PIGQ: variants seen among roughly 807,000 people sequenced by gnomAD.
PIGQ encodes phosphatidylinositol glycan anchor biosynthesis class Q.
PIGQ carries 54 observed loss-of-function variants against 60.3 expected under a neutral mutation model. The ratio of observed to expected loss-of-function variants is 0.90; its 90% CI spans 0.72 to 1.12. The LOEUF is 1.12. Ranked by LOEUF, PIGQ falls within the 50% of genes most tolerant of loss-of-function variation. The pLI is 0.00. For missense variants in PIGQ, 799 were observed against 793.5 expected (o/e 1.01, Z -0.08); for synonymous variants, 416 against 363.7 (o/e 1.14, Z -1.64).
At chr16:574,826 T>A in intron 2 of PIGQ, 63 bp downstream of exon 2, 1 of 1,260,158 alleles carries the variant, frequency 7.9e-7, no homozygotes, top group Non-Finnish European at 1.1e-6. Flanking sequence ...GCCCATCCCT[T>A]TGTCTGCAGT....
At position 583,172 on chromosome 16, in the gene PIGQ, CT is replaced by C. The variant is rs1567178489; in HGVS notation, c.*138del. 1 of 1,613,162 alleles carries C rather than the reference CT, an allele frequency of 6.2e-7. No individual in the cohort carries two copies. Among genetic ancestry groups the C allele is most frequent in the African/African-American group, 1.3e-5 (1 of 74,924 alleles). ...GTGCTCCTGAACACGGCAGGCCCTG[CT>C]ATCACACCTTGGGCTTGGAGGTCAT... On this transcript the variant is annotated 3_prime_UTR_variant, in exon 11 of 11. Coordinates refer to ENST00000321878, the MANE Select transcript of PIGQ (RefSeq NM_004204.5).
intron 8 of PIGQ, 176 bp downstream of exon 8, chr16:580,439 C>G (rs2035793146): frequency 7.0e-6 from 4 of 572,222 alleles, no homozygotes. Flanking sequence ...GAGGCCCTAT[C>G]CTGGCCAGTA....
At chr16:579,255 G>C in intron 7 of PIGQ, 75 bp downstream of exon 7, 3 of 1,211,034 alleles carry the variant, frequency 2.5e-6, no homozygotes, top group Non-Finnish European at 3.6e-6. Flanking sequence ...CGGTGCTTGG[G>C]CACCACAAGG....
chr16:578,254 G>C, intron 4 of PIGQ, 125 bp from the exon 5 acceptor site: 1 of 975,342 alleles, frequency 1.0e-6, no homozygotes, highest in Non-Finnish European at 1.5e-6. Flanking sequence ...GTCCACGCTA[G>C]GACGCGGTAG....
chr16:582,442 A>AG, intron 10 of PIGQ, 133 bp downstream of exon 10: 1 of 677,716 alleles, frequency 1.5e-6, no homozygotes, highest in East Asian at 2.8e-5. Context: ...AGTGGAGCTG[A>AG]GGGGGAAGGC....
At position 571,038 on chromosome 16, in the gene PIGQ, C is replaced by CGTGTGTGT. The variant is rs1176149269; in HGVS notation, c.-10+1005_-10+1012dup. Among the ~76,000 whole-genome samples, 102 of 85,214 alleles carry CGTGTGTGT rather than the reference C, an allele frequency of 1.2e-3. 30 individuals are homozygous for CGTGTGTGT. Among genetic ancestry groups the CGTGTGTGT allele is most frequent in the Admixed American group, 1.8e-3 (14 of 7,980 alleles). 55.9% of individuals were successfully genotyped at this position (85,214 alleles called of 152,430 possible). On this transcript the variant is annotated intron_variant, in intron 1 of 10. Coordinates refer to ENST00000321878, the MANE Select transcript of PIGQ (RefSeq NM_004204.5). ...AAGCTCTTCTGGCTAGCCTGGCGCC[C>CGTGTGTGT]GTGTGTGTGTGTGTGTGTGTGTGTG...
In PIGQ at chr16:574,230, G is replaced by A. The variant is rs1242906892; in HGVS notation, c.156G>A (p.Val52=). ...PIQVKQLLAQ[V]RQASQVGVAV... ...AGGTCAAGCAGCTCCTGGCCCAGGT[G>A]CGGCAGGCCAGCCAGGTGGGCGTGG... The change falls in exon 2 of 11, where the codon GTG becomes GTA. Residue 52 remains valine (V), a synonymous_variant. Transcript: ENST00000321878. 1.2e-6 allele frequency: 2 copies of A among 1,611,144 alleles called. No homozygotes were observed. The highest frequency in any genetic ancestry group is 1.7e-5 in the Admixed American group (1 of 59,990).
chr16:583,501 C>CCTCA lies in PIGQ; in HGVS notation c.*467_*470dup. On this transcript the variant is annotated 3_prime_UTR_variant, in exon 11 of 11. Coordinates refer to ENST00000321878, the MANE Select transcript of PIGQ (RefSeq NM_004204.5). ...CCCAGTCCCAGGCACCCTCTAGCTC[C>CCTCA]CTCAGCCGAACAGCACCCTGCATCT... 1 of 1,612,758 alleles carries CCTCA rather than the reference C, an allele frequency of 6.2e-7. No individual in the cohort carries two copies. Among genetic ancestry groups the CCTCA allele is most frequent in the Non-Finnish European group, 8.5e-7 (1 of 1,179,932 alleles).
At chr16:581,115 C>A in intron 9 of PIGQ, 143 bp downstream of exon 9, 2 of 1,427,282 alleles carry the variant, frequency 1.4e-6, no homozygotes, top group Admixed American at 2.1e-5. Flanking sequence ...GCAGGGAGGA[C>A]AGGGCCTCCT....
Position 580,207 on chromosome 16 carries a change from A to ACCATCCTGC in PIGQ, c.1361_1369dup (p.Leu456_Leu457insProIleLeu). 6.2e-7 allele frequency: 1 copy of ACCATCCTGC among 1,612,540 alleles called. No individual in the cohort carries two copies. Among genetic ancestry groups the ACCATCCTGC allele is most frequent in the Non-Finnish European group, 8.5e-7 (1 of 1,179,220 alleles). ...GCTGTTCATCGGGACTCTGCTCTTC[A>ACCATCCTGC]CCATCCTGCTCTTCCTCCTGCCTAC... On this transcript the variant is annotated inframe_insertion, in exon 8 of 11. Coordinates refer to ENST00000321878, the MANE Select transcript of PIGQ (RefSeq NM_004204.5).
rs761739118 is a variant in PIGQ, at chr16:583,707, G to A, written c.*672G>A. The A allele has an allele frequency of 5.3e-6, 8 of 1,520,880 alleles. No homozygotes were observed. Among genetic ancestry groups the A allele is most frequent in the Non-Finnish European group, 7.2e-6 (8 of 1,105,560 alleles). 94.2% of individuals were successfully genotyped at this position (1,520,880 alleles called of 1,614,324 possible). The stretch of plus-strand genomic sequence containing the variant: ...GGAGCAGCCTCAGTGTCAAGGGCCC[G>A]CCCACTGACCCAGCCGTACCTATTC... On this transcript the variant is annotated 3_prime_UTR_variant, in exon 11 of 11. Coordinates refer to ENST00000321878, the MANE Select transcript of PIGQ (RefSeq NM_004204.5).
At position 571,475 on chromosome 16, in the gene PIGQ, GTGTC is replaced by G. The variant is rs1259754575; in HGVS notation, c.-10+1382_-10+1385del. 1.2e-4 allele frequency among the ~76,000 whole-genome samples: 14 copies of G among 113,198 alleles called. No individual in the cohort carries two copies. In the East Asian group the frequency reaches 3.6e-3, roughly 29 times the overall value. 74.3% of individuals were successfully genotyped at this position (113,198 alleles called of 152,430 possible). ...GTGTTTGTGTCTGGCTAGCCTGTGT[GTGTC>G]TGGTTAGCCTGTGTGTGTGTGTGTG... On this transcript the variant is annotated intron_variant, in intron 1 of 10. Coordinates refer to ENST00000321878, the MANE Select transcript of PIGQ (RefSeq NM_004204.5).
In PIGQ at chr16:583,861, A is replaced by G; in HGVS notation, c.*826A>G. The G allele has an allele frequency of 6.6e-6, 4 of 609,874 alleles. No homozygotes were observed. In the South Asian group the frequency reaches 7.2e-5, roughly 11 times the overall value. 37.8% of individuals were successfully genotyped at this position (609,874 alleles called of 1,614,324 possible). A position where few individuals can be genotyped will look rare whatever the true frequency, so the allele number is the denominator to read the frequency against. On this transcript the variant is annotated 3_prime_UTR_variant, in exon 11 of 11. Coordinates refer to ENST00000321878, the MANE Select transcript of PIGQ (RefSeq NM_004204.5). ...CCCCAGGAGTGTGAGTGGCCTGGGGAGGGGGCCGTGGCACTGAGGCCGAAA... is the reference window on the plus strand; with the variant it reads ...CCCCAGGAGTGTGAGTGGCCTGGGGGGGGGGCCGTGGCACTGAGGCCGAAA...
intron 10 of PIGQ, 58 bp from the exon 11 acceptor site, chr16:582,825 T>A: frequency 3.3e-6 from 5 of 1,505,656 alleles, no homozygotes; most frequent in Non-Finnish European, 4.5e-6. Flanking sequence ...CCACCCTCTC[T>A]CTGCAGACGG....
In PIGQ at chr16:580,897, C is replaced by A. The variant is rs774554453; in HGVS notation, c.1456C>A (p.Leu486Met). The change falls in exon 9 of 11, where the codon CTG becomes ATG. Residue 486 changes from leucine to methionine, a missense_variant. Coordinates refer to ENST00000321878, the MANE Select transcript of PIGQ (RefSeq NM_004204.5). ...LVVAVQGLIH[L>M]LVDLINSLPL... ...GGTCGCCGTGCAGGGCCTGATCCAT[C>A]TGCTCGTGGACCTCATCAACTCCCT... 6.2e-7 allele frequency: 1 copy of A among 1,602,994 alleles called. No individual in the cohort carries two copies. The highest frequency in any genetic ancestry group is 8.5e-7 in the Non-Finnish European group (1 of 1,173,532).
At chr16:571,620 G>A (rs1425941957) in intron 1 of PIGQ, among the ~76,000 whole-genome samples, 4 of 148,850 alleles carry the variant, frequency 2.7e-5, no homozygotes, top group Non-Finnish European at 6.0e-5. Flanking sequence ...CCGTGTGTGT[G>A]TGTGTGTGTG....
chr16:578,971 CT>C (rs1567176724), intron 6 of PIGQ, 33 bp downstream of exon 6: 1 of 1,481,644 alleles, frequency 6.7e-7, no homozygotes, highest in Non-Finnish European at 9.1e-7. Context: ...CCACCGCCCC[CT>C]GGGAGGTGCA....
rs1363501503 is a variant in PIGQ, at chr16:579,434, GTGCCCCGGGCCCAGAGACTAGAGA to G, written c.1335+267_1335+290del. 1.2e-4 allele frequency: 46 copies of G among 399,618 alleles called. 4 individuals are homozygous for G. Among genetic ancestry groups the G allele is most frequent in the East Asian group, 4.6e-4 (7 of 15,236 alleles). The allele number at this position is 399,618 out of a possible 1,614,324, so 24.8% of individuals were successfully genotyped here. On this transcript the variant is annotated intron_variant, in intron 7 of 10. Coordinates refer to ENST00000321878, the MANE Select transcript of PIGQ (RefSeq NM_004204.5). ...GGTGGTGCAGGCACAGGCCCTAGAG[GTGCCCCGGGCCCAGAGACTAGAGA>G]TGCCCCGGGCCCGGAGACTAGAGGT...
At chr16:574,797 T>C (rs374329876) in intron 2 of PIGQ, 34 bp downstream of exon 2, 73 of 1,457,138 alleles carry the variant, frequency 5.0e-5, no homozygotes, top group Non-Finnish European at 6.0e-5. Flanking sequence ...TGGCAAAGAG[T>C]GGGGTCCCAT....
Sources: allele counts gnomAD v4.1 joint callset (sites outside exome capture counted in the v4.1 genomes callset), GRCh38; gene constraint gnomAD v4.1.1; transcripts MANE v1.5; gene names NCBI Gene and HGNC (gene_info 2026-07-23, HGNC 2026-07-21).